The following MAMDC4 variants were observed in gnomAD, a reference collection of about 807,000 sequenced individuals.
MAMDC4 encodes apical endosomal glycoprotein.
In MAMDC4, 168 loss-of-function variants were observed where a neutral mutation model predicts 153.3. The ratio of observed to expected loss-of-function variants is 1.10; its 90% CI spans 0.97 to 1.25. The LOEUF (loss-of-function observed/expected upper bound fraction) is 1.25. Ranked by LOEUF, MAMDC4 falls within the 50% of genes most tolerant of loss-of-function variation. The probability of loss-of-function intolerance (pLI) is 0.00; values close to 1 mark genes in which losing one functional copy is unlikely to be tolerated. For missense variants in MAMDC4, 1,701 were observed against 1,542.8 expected (o/e 1.10, Z -1.72); for synonymous variants, 744 against 651.5 (o/e 1.14, Z -2.16).
In MAMDC4 at chr9:136,857,197, G is replaced by A. The variant is rs76796290; in HGVS notation, c.2005G>A (p.Glu669Lys). 3.2e-3 allele frequency: 5,096 copies of A among 1,612,180 alleles called. 154 individuals are homozygous for A. In the East Asian group the frequency reaches 0.044, roughly 14 times the overall value. The change falls in exon 17 of 27, where the codon GAG (glutamate) becomes AAG (lysine). Residue 669 changes from glutamate to lysine, a missense_variant. Physicochemically the swap from Glu to Lys is moderately conservative, Grantham distance 56. Transcript: ENST00000317446. ...TLRLAMRREG[E>K]ETHLWSRSGT... is the part of the protein sequence containing the mutation. ...GCGCCTAGCCATGAGACGGGAAGGG[G>A]AGGAGACACACCTGTGGTCGCGGTC...
At chr9:136,857,101 C>T in intron 16 of MAMDC4, 60 bp downstream of exon 16, 2 of 1,604,150 alleles carry the variant, frequency 1.2e-6, no homozygotes, top group Non-Finnish European at 1.7e-6. Flanking sequence ...TTCAGAGTCC[C>T]CCGCTCTGAC....
In MAMDC4 at chr9:136,854,060, G is replaced by C. The variant is rs753815497; in HGVS notation, c.654G>C (p.Trp218Cys). Residue 218 changes from tryptophan (W) to cysteine (C), a missense_variant, in exon 6 of 27, where the codon TGG becomes TGC. Transcript: ENST00000317446. The stretch of plus-strand genomic sequence containing the variant: ...TGGCTCTAGATGACCTAGAGTTCTG[G>C]GACTGTGGTCTGCCCAGTAAGGCAC... ...GAVALDDLEF[W>C]DCGLPTPQAN... 8 of 1,612,788 alleles carry C rather than the reference G, an allele frequency of 5.0e-6. No homozygotes were observed. The South Asian group carries it at 6.6e-5, about 13-fold the overall frequency.
Position 136,853,528 on chromosome 9 carries a change from C to T in MAMDC4, c.329-17C>T, listed in dbSNP as rs372446416. ...CCTTGCTCCCTGCCCCGTCTCCTGA[C>T]CTCTCACCTGCGCCAGGCTGGTACA... On this transcript the variant is annotated splice_polypyrimidine_tract_variant and intron_variant, in intron 3 of 26. Coordinates refer to ENST00000317446, the MANE Select transcript of MAMDC4 (RefSeq NM_206920.3). 41 of 1,612,520 alleles carry T rather than the reference C, an allele frequency of 2.5e-5. No individual in the cohort carries two copies. Among genetic ancestry groups the T allele is most frequent in the East Asian group, 1.3e-4 (6 of 44,892 alleles).
rs1849029357 is a variant in MAMDC4 at position 136,857,801 on chromosome 9, G to A, written c.2464+5G>A. 1 of 1,611,408 alleles carries A rather than the reference G, an allele frequency of 6.2e-7. No homozygotes were observed. Among genetic ancestry groups the A allele is most frequent in the Non-Finnish European group, 8.5e-7 (1 of 1,179,334 alleles). Reference sequence around the variant, plus strand: ...ACGGGAGCCTCCGCAGCCCAGGTGAGGGGCTTTGGGAGGGGGCCCCAGTGG... The same window carrying A: ...ACGGGAGCCTCCGCAGCCCAGGTGAAGGGCTTTGGGAGGGGGCCCCAGTGG... On this transcript the variant is annotated splice_donor_5th_base_variant and intron_variant, in intron 19 of 26. Transcript: ENST00000317446.
Position 136,856,805 on chromosome 9 carries a change from C to G in MAMDC4, c.1816C>G (p.His606Asp). Residue 606 changes from histidine (H) to aspartate (D), a missense_variant, in exon 15 of 27, where the codon CAC (histidine) becomes GAC (aspartate). Coordinates refer to ENST00000317446, the MANE Select transcript of MAMDC4 (RefSeq NM_206920.3). ...WRWVESRGPD[H>D]DHTTGQGHFV... ...CTGGGTGGAGAGCCGCGGCCCTGACCACGACCACACCACAGGCCAAGGTAG... is the reference window on the plus strand; with the variant it reads ...CTGGGTGGAGAGCCGCGGCCCTGACGACGACCACACCACAGGCCAAGGTAG... 6.2e-7 allele frequency: 1 copy of G among 1,611,860 alleles called. No individual in the cohort carries two copies. Among genetic ancestry groups the G allele is most frequent in the East Asian group, 2.2e-5 (1 of 44,852 alleles).
Position 136,858,756 on chromosome 9 carries a change from CGGGG to C in MAMDC4, c.2861_2864del (p.Gly954AlafsTer36). On this transcript the variant is annotated frameshift_variant, in exon 23 of 27. Transcript: ENST00000317446. LOFTEE classifies it high-confidence loss of function. The stretch of plus-strand genomic sequence containing the variant: ...TCTTTGAAACTGGCGTGCTGGGCCC[CGGGG>C]GCCGGGCCGCCTGGCTGCGCAGCGA... 1.9e-6 allele frequency: 3 copies of C among 1,611,076 alleles called. No homozygotes were observed. The highest frequency in any genetic ancestry group is 3.4e-5 in the Admixed American group (2 of 59,620).
rs1217329109 is a variant in MAMDC4, at chr9:136,855,058, G to A, written c.1145G>A (p.Gly382Glu). The change falls in exon 10 of 27, where the codon GGG (glycine) becomes GAG (glutamate). Residue 382 changes from glycine to glutamate, a missense_variant. Gly to Glu is a moderately conservative substitution (Grantham distance 98). Transcript: ENST00000317446. Reference protein sequence around the residue: ...VLLRRRRGELGTAWVRDRVDI... With the variant: ...VLLRRRRGELETAWVRDRVDI... ...CTGCGGAGGCGCCGAGGGGAGCTGG[G>A]GACCGCCTGGGTCCGAGACCGTGTT... 1.2e-6 allele frequency: 2 copies of A among 1,604,362 alleles called. No homozygotes were observed. Among genetic ancestry groups the A allele is most frequent in the Non-Finnish European group, 1.7e-6 (2 of 1,176,666 alleles).
intron 25 of MAMDC4, chr9:136,859,530 G>A: frequency 1.7e-6 from 1 of 603,834 alleles, no homozygotes; most frequent in Non-Finnish European, 2.9e-6. Context: ...TCCCTGGGGT[G>A]CAGCCTCTGG....
At chr9:136,857,848 T>A (rs1849029937) in intron 19 of MAMDC4, 52 bp downstream of exon 19, 2 of 1,585,550 alleles carry the variant, frequency 1.3e-6, no homozygotes, top group African/African-American at 2.7e-5. Flanking sequence ...CTTGGCCTGG[T>A]GTCCCCACCA....
In MAMDC4 at chr9:136,857,645, G is replaced by C. The variant is rs370222896; in HGVS notation, c.2327-14G>C. ...GCTGGCCAGGGGCTGGCAGGCTGAT[G>C]CTGGCACCTCCAGGGCACTACATGG... On this transcript the variant is annotated splice_polypyrimidine_tract_variant and intron_variant, in intron 18 of 26. Transcript: ENST00000317446. 8.1e-6 allele frequency: 13 copies of C among 1,612,358 alleles called. No individual in the cohort carries two copies. Among genetic ancestry groups the C allele is most frequent in the Non-Finnish European group, 1.0e-5 (12 of 1,179,836 alleles).
In MAMDC4 at chr9:136,855,839, G is replaced by A. The variant is rs1022022363; in HGVS notation, c.1579G>A (p.Ala527Thr). Residue 527 changes from alanine to threonine, a missense_variant, in exon 13 of 27, where the codon GCT becomes ACT. Physicochemically the swap from Ala to Thr is moderately conservative, Grantham distance 58 (BLOSUM62 0). Coordinates refer to ENST00000317446, the MANE Select transcript of MAMDC4 (RefSeq NM_206920.3). ...CCAGGAGAGCCAGGGGTCCAGTGCA[G>A]CTGCTGCTGGTGAGGCCCAAGGCCC... is the stretch of plus-strand genomic sequence containing the variant. ...SAQESQGSSA[A>T]AAGHFLSLQR... 1 of 1,510,802 alleles carries A rather than the reference G, an allele frequency of 6.6e-7. No individual in the cohort carries two copies. The highest frequency in any genetic ancestry group is 8.9e-7 in the Non-Finnish European group (1 of 1,128,514). The allele number at this position is 1,510,802 out of a possible 1,614,324, so 93.6% of individuals were successfully genotyped here.
rs746534582 is a variant in MAMDC4, at chr9:136,858,185, G to C, written c.2584-1G>C. 6.9e-6 allele frequency: 11 copies of C among 1,585,590 alleles called. No individual in the cohort carries two copies. Among genetic ancestry groups the C allele is most frequent in the South Asian group, 1.1e-5 (1 of 88,548 alleles). The stretch of plus-strand genomic sequence containing the variant: ...AGGCTGCCCTGCCCTGCACCCGCCA[G>C]GTGGTGTTTGAGGCAGTGGCCGCAG... On this transcript the variant is annotated splice_acceptor_variant, in intron 20 of 26. Transcript: ENST00000317446. LOFTEE classifies it high-confidence loss of function.
Position 136,857,395 on chromosome 9 carries a change from A to G in MAMDC4, c.2135A>G (p.Tyr712Cys), listed in dbSNP as rs373186230. ...QLLFEGLRDG[Y>C]HGTMALDDVA... is the part of the protein sequence containing the mutation. Reference sequence around the variant, plus strand: ...CTGTTCGAGGGCCTCCGGGACGGATACCACGGCACCATGGCGCTGGACGAT... The same window carrying G: ...CTGTTCGAGGGCCTCCGGGACGGATGCCACGGCACCATGGCGCTGGACGAT... The change falls in exon 18 of 27, where the codon TAC (tyrosine) becomes TGC (cysteine). Residue 712 changes from tyrosine (Y) to cysteine (C), a missense_variant. By Grantham distance (194) the Tyr-to-Cys change is radical. Transcript: ENST00000317446. The G allele has an allele frequency of 3.7e-6, 6 of 1,608,106 alleles. 1 individual carries two copies. The African/African-American group carries it at 5.3e-5, about 14-fold the overall frequency.
chr9:136,852,836 T>G (rs1848945246), intron 1 of MAMDC4, among the ~76,000 whole-genome samples: 1 of 152,148 alleles, frequency 6.6e-6, no homozygotes, highest in Non-Finnish European at 1.5e-5. Context: ...TGCTGGGCAC[T>G]CTGGGTTCCT....
rs1849018572 is a variant in MAMDC4, at chr9:136,857,210, TG to T, written c.2019del (p.Trp674GlyfsTer123). The T allele has an allele frequency of 1.9e-6, 3 of 1,611,756 alleles. No homozygotes were observed. Among genetic ancestry groups the T allele is most frequent in the Non-Finnish European group, 2.5e-6 (3 of 1,179,576 alleles). ...AGACGGGAAGGGGAGGAGACACACCTGTGGTCGCGGTCAGGCACCCAGGGCA... is the reference window on the plus strand; with the variant it reads ...AGACGGGAAGGGGAGGAGACACACCTTGGTCGCGGTCAGGCACCCAGGGCA... ...AMRREGEETH[L>X]WSRSGTQGNR... On this transcript the variant is annotated frameshift_variant, in exon 17 of 27. Coordinates refer to ENST00000317446, the MANE Select transcript of MAMDC4 (RefSeq NM_206920.3). LOFTEE classifies it high-confidence loss of function.
chr9:136,858,229 T>G lies in MAMDC4; in HGVS notation c.2627T>G (p.Val876Gly). ...AVAAGVAHSY[V>G]ALDDLLLQDG... Reference sequence around the variant, plus strand: ...GCCGCAGGCGTGGCACACTCCTACGTGGCTCTGGATGATCTGCTCCTCCAG... The same window carrying G: ...GCCGCAGGCGTGGCACACTCCTACGGGGCTCTGGATGATCTGCTCCTCCAG... The change falls in exon 21 of 27, where the codon GTG becomes GGG. Residue 876 changes from valine (V) to glycine (G), a missense_variant. By Grantham distance (109) the Val-to-Gly change is moderately radical (BLOSUM62 -3). Transcript: ENST00000317446. 6.2e-7 allele frequency: 1 copy of G among 1,601,164 alleles called. No individual in the cohort carries two copies. Among genetic ancestry groups the G allele is most frequent in the South Asian group, 1.1e-5 (1 of 90,396 alleles).
chr9:136,855,191 TGGACAG>T (rs1269692046), intron 10 of MAMDC4, 57 bp from the exon 11 acceptor site: 2 of 1,579,518 alleles, frequency 1.3e-6, no homozygotes, highest in African/African-American at 2.7e-5. Context: ...CCACTGCGGG[TGGACAG>T]GGACCAGACC....
rs990882416 is a variant in MAMDC4 at position 136,858,025 on chromosome 9, C to T, written c.2511C>T (p.Leu837=). 5.2e-6 allele frequency: 8 copies of T among 1,526,850 alleles called. No individual in the cohort carries two copies. The highest frequency in any genetic ancestry group is 6.1e-6 in the Non-Finnish European group (7 of 1,140,030). 94.6% of individuals were successfully genotyped at this position (1,526,850 alleles called of 1,614,324 possible). ...YLEERGRHQV[L]SLSAHGGLAW... Reference sequence around the variant, plus strand: ...AGGAGCGCGGGAGGCACCAGGTGCTCAGCCTCAGTGCCCACGGCGGGCTTG... The same window carrying T: ...AGGAGCGCGGGAGGCACCAGGTGCTTAGCCTCAGTGCCCACGGCGGGCTTG... The change falls in exon 20 of 27, where the codon CTC becomes CTT. Residue 837 remains leucine (L), a synonymous_variant. Coordinates refer to ENST00000317446, the MANE Select transcript of MAMDC4 (RefSeq NM_206920.3).
chr9:136,853,536 CTG>C lies in MAMDC4; in HGVS notation c.329-8_329-7del. 2.5e-6 allele frequency: 4 copies of C among 1,612,632 alleles called. No homozygotes were observed. The highest frequency in any genetic ancestry group is 3.4e-6 in the Non-Finnish European group (4 of 1,179,960). On this transcript the variant is annotated splice_polypyrimidine_tract_variant and splice_region_variant and intron_variant, in intron 3 of 26. Coordinates refer to ENST00000317446, the MANE Select transcript of MAMDC4 (RefSeq NM_206920.3). ...CCTGCCCCGTCTCCTGACCTCTCAC[CTG>C]CGCCAGGCTGGTACATGGCCGTTGG...
Sources: gnomAD v4.1 joint callset for allele counts (sites outside exome capture counted in the v4.1 genomes callset) on GRCh38, gnomAD v4.1.1 for gene constraint, MANE v1.5 for transcripts, NCBI Gene and HGNC (gene_info 2026-07-23, HGNC 2026-07-21) for gene names.